TNN: variants seen among roughly 807,000 people sequenced by gnomAD.
TNN encodes the protein tenascin N, also known as tenascin-N.
TNN carries 122 observed loss-of-function variants against 134.4 expected under a neutral mutation model. The observed-to-expected ratio is 0.91, with a 90% CI of 0.78 to 1.06. The LOEUF (loss-of-function observed/expected upper bound fraction) is 1.06, where lower values mean the gene tolerates loss of function less well. Ranked by LOEUF, TNN falls within the 50% of genes least tolerant of loss-of-function variation. TNN has a pLI of 0.00. For synonymous variants in TNN, 710 were observed against 670.3 expected (o/e 1.06, Z -0.91); for missense variants, 1,739 against 1,699.4 (o/e 1.02, Z -0.41).
Position 175,099,592 on chromosome 1 carries a change from AG to A in TNN, c.2119+999del, listed in dbSNP as rs1558357061. Among the ~76,000 whole-genome samples, 7 of 40,464 alleles carry A rather than the reference AG, an allele frequency of 1.7e-4. No individual in the cohort carries two copies. In the East Asian group the frequency reaches 4.0e-3, roughly 23 times the overall value. The allele number at this position is 40,464 out of a possible 152,430, so 26.5% of individuals were successfully genotyped here. ...GGAAGAGGAGAGATGAGGGCTCAGG[AG>A]GAGGAGAGGTGAGGGGTCAGGAGGA... is the stretch of plus-strand genomic sequence containing the variant. On this transcript the variant is annotated intron_variant, in intron 9 of 18. Coordinates refer to ENST00000239462, the MANE Select transcript of TNN (RefSeq NM_022093.2).
chr1:175,123,921 C>G (rs1675447538), intron 12 of TNN, among the ~76,000 whole-genome samples: 1 of 152,220 alleles, frequency 6.6e-6, no homozygotes, highest in Non-Finnish European at 1.5e-5. Flanking sequence ...CTCAGAATCT[C>G]CACACTTGCT....
intron 9 of TNN, among the ~76,000 whole-genome samples, chr1:175,116,527 C>T (rs976237698): frequency 6.6e-6 from 1 of 152,144 alleles, no homozygotes; most frequent in Non-Finnish European, 1.5e-5. Flanking sequence ...CTTGAATGAA[C>T]CTTAAAAGTT....
intron 15 of TNN, among the ~76,000 whole-genome samples, chr1:175,134,556 A>AAAC (rs912878986): frequency 6.6e-6 from 1 of 151,796 alleles, no homozygotes; most frequent in Admixed American, 6.6e-5. Context: ...AAAAACAAAC[A>AAAC]AACAACAACA....
Position 175,147,022 on chromosome 1 carries a change from T to A in TNN, c.3851T>A (p.Val1284Asp). The change falls in exon 19 of 19, where the codon GTC (valine) becomes GAC (aspartate). Residue 1284 changes from valine (V) to aspartate (D), a missense_variant. Physicochemically the swap from Val to Asp is radical, Grantham distance 152 (BLOSUM62 -3). Coordinates refer to ENST00000239462, the MANE Select transcript of TNN (RefSeq NM_022093.2). ...CCTCATGGCTACAGCAGGGAGCCTGTCCTGGGCAGAAAGAAGCGGACGCTG... is the reference window on the plus strand; with the variant it reads ...CCTCATGGCTACAGCAGGGAGCCTGACCTGGGCAGAAAGAAGCGGACGCTG... ...IRPHGYSREP[V>D]LGRKKRTLRG... 1.2e-6 allele frequency: 2 copies of A among 1,602,962 alleles called. No individual in the cohort carries two copies. Among genetic ancestry groups the A allele is most frequent in the Non-Finnish European group, 1.7e-6 (2 of 1,173,672 alleles).
At chr1:175,118,852 C>T (rs377126981) in intron 11 of TNN, 28 bp downstream of exon 11, 5 of 1,612,322 alleles carry the variant, frequency 3.1e-6, no homozygotes, top group African/African-American at 1.3e-5. Flanking sequence ...AAGAGCAAAC[C>T]CGGGTAGTAG....
In TNN at chr1:175,104,396, C is replaced by T. The variant is rs1350523214; in HGVS notation, c.2119+5801C>T. Among the ~76,000 whole-genome samples the T allele has an allele frequency of 2.7e-5, 4 of 145,856 alleles. 1 individual carries two copies. Among genetic ancestry groups the T allele is most frequent in the Non-Finnish European group, 4.6e-5 (3 of 65,728 alleles). On this transcript the variant is annotated intron_variant, in intron 9 of 18. Coordinates refer to ENST00000239462, the MANE Select transcript of TNN (RefSeq NM_022093.2). ...TTCTAACCCAGGGAACCTTCATCCT[C>T]TGGGGCAGTGCACCTTCCAGTGATT...
At chr1:175,108,531 G>A (rs189948085) in intron 9 of TNN, among the ~76,000 whole-genome samples, 60 of 152,350 alleles carry the variant, frequency 3.9e-4, no homozygotes, top group South Asian at 3.7e-3. Context: ...GGGGAGGCTC[G>A]GGCTGCACAG....
At position 175,147,144 on chromosome 1, in the gene TNN, C is replaced by T; in HGVS notation, c.*73C>T. On this transcript the variant is annotated 3_prime_UTR_variant, in exon 19 of 19. Coordinates refer to ENST00000239462, the MANE Select transcript of TNN (RefSeq NM_022093.2). ...CTTGGGGCGGGGTGGGTAGTGGTCA[C>T]TGCGGTCTGGGAGTGCTCAGATAGC... The T allele has an allele frequency of 7.2e-7, 1 of 1,393,500 alleles. No homozygotes were observed. Among genetic ancestry groups the T allele is most frequent in the African/African-American group, 1.4e-5 (1 of 69,378 alleles). 86.3% of individuals were successfully genotyped at this position (1,393,500 alleles called of 1,614,324 possible).
rs776954802 is a variant in TNN, at chr1:175,128,754, A to T, written c.3330+8A>T. ...GACGGAGGTGGCTGGATTGTGAGTCACGCAGAACCCTGGGGAGCTCTGTGT... is the reference window on the plus strand; with the variant it reads ...GACGGAGGTGGCTGGATTGTGAGTCTCGCAGAACCCTGGGGAGCTCTGTGT... On this transcript the variant is annotated splice_region_variant and intron_variant, in intron 15 of 18. Coordinates refer to ENST00000239462, the MANE Select transcript of TNN (RefSeq NM_022093.2). 3.1e-6 allele frequency: 5 copies of T among 1,611,032 alleles called. No homozygotes were observed. The South Asian group carries it at 3.3e-5, about 11-fold the overall frequency.
chr1:175,118,705 G>A lies in TNN; in HGVS notation c.2531G>A (p.Gly844Glu), dbSNP rs747182942. The change falls in exon 11 of 19, where the codon GGG becomes GAG. Residue 844 changes from glycine (G) to glutamate (E), a missense_variant. Physicochemically the swap from Gly to Glu is moderately conservative, Grantham distance 98. Coordinates refer to ENST00000239462, the MANE Select transcript of TNN (RefSeq NM_022093.2). ...ANGETREVPV[G>E]KEQSSTVLTG... ...GGAGAGACCAGGGAGGTTCCAGTGG[G>A]GAAGGAGCAGAGCAGCACTGTCCTG... is the stretch of plus-strand genomic sequence containing the variant. 2 of 1,614,258 alleles carry A rather than the reference G, an allele frequency of 1.2e-6. No individual in the cohort carries two copies. Among genetic ancestry groups the A allele is most frequent in the African/African-American group, 1.3e-5 (1 of 75,066 alleles).
chr1:175,113,317 G>T (rs1675084696), intron 9 of TNN, among the ~76,000 whole-genome samples: 1 of 152,150 alleles, frequency 6.6e-6, no homozygotes, highest in Non-Finnish European at 1.5e-5. Context: ...GAATAGACTT[G>T]CTGGGTGTGG....
At chr1:175,079,030 A>G (rs1674122606) in intron 2 of TNN, among the ~76,000 whole-genome samples, 1 of 152,060 alleles carries the variant, frequency 6.6e-6, no homozygotes, top group Non-Finnish European at 1.5e-5. Context: ...GGAACCGGGG[A>G]ATTCACACGG....
At chr1:175,097,170 C>T (rs11808695) in intron 7 of TNN, among the ~76,000 whole-genome samples, 2,394 of 152,212 alleles carry the variant, frequency 0.016, 64 homozygotes, top group African/African-American at 0.053. Flanking sequence ...AAGCGACTTC[C>T]GGGAAAAGTT....
chr1:175,106,276 G>A (rs1674849731), intron 9 of TNN, among the ~76,000 whole-genome samples: 1 of 145,734 alleles, frequency 6.9e-6, no homozygotes, highest in African/African-American at 2.5e-5. Context: ...GGGAGGGAGG[G>A]GATCTTCAGG....
chr1:175,144,381 C>T lies in TNN; in HGVS notation c.3596-6C>T, dbSNP rs747849930. 1.3e-5 allele frequency: 21 copies of T among 1,613,454 alleles called. No individual in the cohort carries two copies. In the Admixed American group the frequency reaches 2.8e-4, roughly 22 times the overall value. ...GGCTCTCGCCTCCGTCTCTTCTCTC[C>T]TGCAGGGGATGCTCTTACTTACCAC... On this transcript the variant is annotated splice_polypyrimidine_tract_variant and splice_region_variant and intron_variant, in intron 17 of 18. Transcript: ENST00000239462.
chr1:175,125,934 CT>C (rs2101842685), intron 12 of TNN, among the ~76,000 whole-genome samples: 1 of 140,936 alleles, frequency 7.1e-6, no homozygotes, highest in African/African-American at 2.6e-5. Flanking sequence ...TTCTTTCTTT[CT>C]CTCGCTTCTC....
At chr1:175,079,831 C>A in intron 3 of TNN, 124 bp downstream of exon 3, 1 of 1,323,066 alleles carries the variant, frequency 7.6e-7, no homozygotes, top group Non-Finnish European at 1.0e-6. Context: ...TGCTGAGTCC[C>A]AACCCCAGAG....
Position 175,147,847 on chromosome 1 carries a change from G to T in TNN, c.*776G>T, listed in dbSNP as rs1356713012. 1.3e-5 allele frequency: 2 copies of T among 152,092 alleles called. No homozygotes were observed. The highest frequency in any genetic ancestry group is 2.4e-5 in the African/African-American group (1 of 41,380). The allele number at this position is 152,092 out of a possible 1,614,324, so 9.4% of individuals were successfully genotyped here. On this transcript the variant is annotated 3_prime_UTR_variant, in exon 19 of 19. Transcript: ENST00000239462. Reference sequence around the variant, plus strand: ...TGCAACTCCCATTCATGCCCACCAGGCCTCAGACTCCCTCTTTTCCCCGCC... The same window carrying T: ...TGCAACTCCCATTCATGCCCACCAGTCCTCAGACTCCCTCTTTTCCCCGCC...
At chr1:175,088,581 T>G (rs1002697454) in intron 6 of TNN, among the ~76,000 whole-genome samples, 1 of 152,228 alleles carries the variant, frequency 6.6e-6, no homozygotes, top group African/African-American at 2.4e-5. Flanking sequence ...GCCACTGTTA[T>G]TCTCATTACT....
Sources: gnomAD v4.1 joint callset for allele counts (sites outside exome capture counted in the v4.1 genomes callset) on GRCh38, gnomAD v4.1.1 for gene constraint, MANE v1.5 for transcripts, NCBI Gene and HGNC (gene_info 2026-07-23, HGNC 2026-07-21) for gene names.